Variants in PLEKHA6 observed in about 807,000 individuals in gnomAD.
PLEKHA6 encodes pleckstrin homology domain-containing family A member 6.
In PLEKHA6, 60 loss-of-function variants were observed where a neutral mutation model predicts 116.7. The ratio of observed to expected loss-of-function variants is 0.51; its 90% CI spans 0.42 to 0.64. The LOEUF is 0.64. Among genes scored for constraint, PLEKHA6 ranks in the 30% least tolerant of loss-of-function variants. The probability of loss-of-function intolerance (pLI) is 0.00; values close to 1 mark genes in which losing one functional copy is unlikely to be tolerated. For synonymous variants in PLEKHA6, 489 were observed against 556.1 expected (o/e 0.88, Z 1.70); for missense variants, 1,338 against 1,422.7 (o/e 0.94, Z 0.96).
At chr1:204,360,605 G>A (rs114445040), upstream of PLEKHA6, among the ~76,000 whole-genome samples, 1 of 152,092 alleles carries the variant, frequency 6.6e-6, no homozygotes, top group Non-Finnish European at 1.5e-5. Context: ...AAATGATATA[G>A]GTACTCAGAT....
chr1:204,316,049 G>A (rs1379206853), intron 1 of PLEKHA6, among the ~76,000 whole-genome samples: 6 of 152,178 alleles, frequency 3.9e-5, no homozygotes, highest in Admixed American at 3.9e-4. Context: ...AGCTGGACGG[G>A]TATTTGGGGG....
rs1405655842 is a variant in PLEKHA6 at position 204,222,559 on chromosome 1, A to G, written c.*229T>C. The G allele has an allele frequency of 1.3e-5, 2 of 152,808 alleles. No individual in the cohort carries two copies. The highest frequency in any genetic ancestry group is 2.9e-5 in the Non-Finnish European group (2 of 68,172). The allele number at this position is 152,808 out of a possible 1,614,324, so 9.5% of individuals were successfully genotyped here. A position where few individuals can be genotyped will look rare whatever the true frequency, so the allele number is the denominator to read the frequency against. Reference sequence around the variant, plus strand: ...CCTGGCCCAGGACCACGGTGTGAGTAGTGATGGCTCCAGGGCTGGGCATGG... The same window carrying G: ...CCTGGCCCAGGACCACGGTGTGAGTGGTGATGGCTCCAGGGCTGGGCATGG... On this transcript the variant is annotated 3_prime_UTR_variant, in exon 23 of 23. Coordinates refer to ENST00000272203, the MANE Select transcript of PLEKHA6 (RefSeq NM_014935.5).
chr1:204,308,925 A>G (rs576112997), intron 1 of PLEKHA6: 83 of 169,014 alleles, frequency 4.9e-4, no homozygotes, highest in African/African-American at 1.7e-3. Flanking sequence ...TCCTGACCTC[A>G]TGATCCGCCC....
rs776518741 is a variant in PLEKHA6, at chr1:204,247,465, G to A, written c.1825-5C>T. On this transcript the variant is annotated splice_region_variant and splice_polypyrimidine_tract_variant and intron_variant, in intron 12 of 22. Transcript: ENST00000272203. ...TATGGTGCTGTTTGTCAGGGCCTAC[G>A]GGGGAAAGAGGCGTTCACTGAGAAA... 8.2e-6 allele frequency: 13 copies of A among 1,590,770 alleles called. No individual in the cohort carries two copies. The highest frequency in any genetic ancestry group is 1.7e-4 in the Middle Eastern group (1 of 6,004).
intron 1 of PLEKHA6, chr1:204,301,511 A>C: frequency 1.0e-6 from 1 of 982,412 alleles, no homozygotes; most frequent in Non-Finnish European, 1.2e-6. Flanking sequence ...TCCCCACCTC[A>C]TTGGGCTTCC....
At chr1:204,329,747 A>G (rs901848451) in intron 1 of PLEKHA6, among the ~76,000 whole-genome samples, 1 of 152,170 alleles carries the variant, frequency 6.6e-6, no homozygotes, top group Non-Finnish European at 1.5e-5. Context: ...CCAGAACGTG[A>G]AAAACTCTAC....
intron 1 of PLEKHA6, chr1:204,297,911 A>G (rs1046451036): frequency 1.2e-5 from 12 of 984,968 alleles, no homozygotes; most frequent in Admixed American, 6.2e-5. Flanking sequence ...CGGCATCTTG[A>G]TCTAGGACCC....
At chr1:204,247,648 G>C (rs1283973754) in intron 12 of PLEKHA6, among the ~76,000 whole-genome samples, 188 bp from the exon 13 acceptor site, 1 of 151,192 alleles carries the variant, frequency 6.6e-6, no homozygotes, top group Non-Finnish European at 1.5e-5. Flanking sequence ...CCTTACAAGA[G>C]ATGTAACAGC....
intron 1 of PLEKHA6, chr1:204,297,288 TG>T (rs1670376990): frequency 1.2e-6 from 1 of 800,168 alleles, no homozygotes; most frequent in African/African-American, 1.9e-5. Flanking sequence ...TTTCTCTTGT[TG>T]GAAAGTCTCA....
intron 1 of PLEKHA6, among the ~76,000 whole-genome samples, chr1:204,308,837 C>T (rs1671527010): frequency 6.6e-6 from 1 of 151,762 alleles, no homozygotes; most frequent in Non-Finnish European, 1.5e-5. Flanking sequence ...TACAGGCACC[C>T]ACCATCACGC....
chr1:204,355,521 C>A (rs1673388038), intron 1 of PLEKHA6, among the ~76,000 whole-genome samples: 1 of 152,158 alleles, frequency 6.6e-6, no homozygotes, highest in Non-Finnish European at 1.5e-5. Context: ...CTCACTGCAA[C>A]CTCCGCCTCC....
Position 204,261,535 on chromosome 1 carries a change from C to T in PLEKHA6, c.382-87G>A, listed in dbSNP as rs78267834. ...TGTTGGGAGAAGACACCAACGCCCACAGAATGGGCAGTCAGTTGGGCCATT... is the reference window on the plus strand; with the variant it reads ...TGTTGGGAGAAGACACCAACGCCCATAGAATGGGCAGTCAGTTGGGCCATT... On this transcript the variant is annotated intron_variant, in intron 6 of 22. Coordinates refer to ENST00000272203, the MANE Select transcript of PLEKHA6 (RefSeq NM_014935.5). This position sits in a 1 kb window ranked among gnomAD's most constrained non-coding sequence, Gnocchi z 4.0. 4.9e-4 allele frequency: 685 copies of T among 1,406,540 alleles called. 9 individuals are homozygous for T. In the East Asian group the frequency reaches 0.012, roughly 26 times the overall value. The allele number at this position is 1,406,540 out of a possible 1,614,324, so 87.1% of individuals were successfully genotyped here. A position where few individuals can be genotyped will look rare whatever the true frequency, so the allele number is the denominator to read the frequency against.
chr1:204,331,069 G>A (rs976497260), intron 1 of PLEKHA6, among the ~76,000 whole-genome samples: 4 of 152,026 alleles, frequency 2.6e-5, no homozygotes, highest in Non-Finnish European at 4.4e-5. Context: ...TGTTGGCGGC[G>A]CATGCCTCTA....
chr1:204,341,726 C>A (rs1354445465), intron 1 of PLEKHA6, among the ~76,000 whole-genome samples: 1 of 152,150 alleles, frequency 6.6e-6, no homozygotes, highest in Non-Finnish European at 1.5e-5. Flanking sequence ...ATTCCATATA[C>A]TGGAATCATA....
At chr1:204,256,574 C>T (rs1197446752) in intron 9 of PLEKHA6, among the ~76,000 whole-genome samples, 1 of 152,154 alleles carries the variant, frequency 6.6e-6, no homozygotes, top group African/African-American at 2.4e-5. Flanking sequence ...AGATCTCATC[C>T]CTCCTCCACG....
chr1:204,283,097 G>A (rs1036850893), intron 1 of PLEKHA6, among the ~76,000 whole-genome samples: 25 of 152,276 alleles, frequency 1.6e-4, no homozygotes, highest in African/African-American at 5.8e-4. Flanking sequence ...GTCCGCCGCC[G>A]GGTCTATGGA....
At chr1:204,328,295 T>G (rs1672320823) in intron 1 of PLEKHA6, among the ~76,000 whole-genome samples, 1 of 151,772 alleles carries the variant, frequency 6.6e-6, no homozygotes, top group Non-Finnish European at 1.5e-5. Flanking sequence ...TTGGCCAGGC[T>G]GGTCTCAAAC....
At chr1:204,363,184 T>C (rs756064963), upstream of PLEKHA6, among the ~76,000 whole-genome samples, 1 of 152,222 alleles carries the variant, frequency 6.6e-6, no homozygotes, top group Non-Finnish European at 1.5e-5. Flanking sequence ...GCAGTTCGGG[T>C]TGGGGTCTGT....
At chr1:204,325,208 C>T (rs1005780017) in intron 1 of PLEKHA6, among the ~76,000 whole-genome samples, 11 of 152,116 alleles carry the variant, frequency 7.2e-5, no homozygotes, top group African/African-American at 2.2e-4. Context: ...GGGTAGGCAA[C>T]GTTACTTCCC....
Sources: allele counts gnomAD v4.1 joint callset (sites outside exome capture counted in the v4.1 genomes callset), GRCh38; gene constraint gnomAD v4.1.1; non-coding constraint Gnocchi (gnomAD v3.1); transcripts MANE v1.5; gene names NCBI Gene and HGNC (gene_info 2026-07-23, HGNC 2026-07-21).